The following AKAP13 variants were observed in gnomAD, a reference collection of about 807,000 sequenced individuals.
AKAP13 encodes A-kinase anchoring protein 13.
A neutral mutation model predicts 264.5 loss-of-function variants in AKAP13; 80 were observed. That is an observed-to-expected ratio of 0.30 (90% CI 0.25 to 0.36). The LOEUF (loss-of-function observed/expected upper bound fraction) is 0.36, where lower values mean the gene tolerates loss of function less well. Ranked by LOEUF, AKAP13 falls within the 10% of genes least tolerant of loss-of-function variation. The pLI is 1.00. For missense variants in AKAP13, 3,712 were observed against 3,435.2 expected (o/e 1.08, Z -2.01); for synonymous variants, 1,380 against 1,250.2 (o/e 1.10, Z -2.19).
intron 27 of AKAP13, 89 bp from the exon 28 acceptor site, chr15:85,726,977 A>G (rs2087656601): frequency 1.4e-6 from 2 of 1,420,802 alleles, no homozygotes; most frequent in East Asian, 4.6e-5. Context: ...CTTTTTTAAC[A>G]GCATCTGGTC....
chr15:85,732,835 C>G (rs1265001204), intron 30 of AKAP13, among the ~76,000 whole-genome samples: 1 of 150,922 alleles, frequency 6.6e-6, no homozygotes, highest in Non-Finnish European at 1.5e-5. Context: ...ATTACTATTG[C>G]TAATACTGTT....
chr15:85,565,261 G>A (rs2151275714), intron 5 of AKAP13, among the ~76,000 whole-genome samples: 1 of 152,084 alleles, frequency 6.6e-6, no homozygotes, highest in East Asian at 1.9e-4. Flanking sequence ...AAATCAGAAG[G>A]CAGTAGAAAT....
intron 10 of AKAP13, 146 bp downstream of exon 10, chr15:85,646,100 C>G (rs2082547830): frequency 6.5e-6 from 7 of 1,084,756 alleles, no homozygotes; most frequent in Non-Finnish European, 9.1e-6. Context: ...TGTGATCCAG[C>G]TAGCCTTGTA....
intron 2 of AKAP13, among the ~76,000 whole-genome samples, chr15:85,491,508 T>TATATATA (rs2075724894): frequency 2.0e-5 from 3 of 146,446 alleles, no homozygotes; most frequent in Middle Eastern, 3.6e-3. Flanking sequence ...TATTATATAT[T>TATATATA]ATATATTATA....
intron 8 of AKAP13, among the ~76,000 whole-genome samples, chr15:85,610,327 A>C (rs1176865114): frequency 6.6e-6 from 1 of 152,128 alleles, no homozygotes; most frequent in East Asian, 1.9e-4. Flanking sequence ...TTTCCTTTCC[A>C]AAACACTTGT....
rs1567129678 is a variant in AKAP13 at position 85,567,937 on chromosome 15, A to AAG, written c.663-7191_663-7190dup. Among the ~76,000 whole-genome samples the AAG allele has an allele frequency of 6.3e-5, 7 of 111,412 alleles. No individual in the cohort carries two copies. The South Asian group carries it at 2.1e-3, about 34-fold the overall frequency. 73.1% of individuals were successfully genotyped at this position (111,412 alleles called of 152,430 possible). ...ATATAAATACCTATTAAATAGCCCA[A>AAG]AGAGGTGTGTGTGTGTGTGTGTGTG... On this transcript the variant is annotated intron_variant, in intron 5 of 36. Transcript: ENST00000394518.
At chr15:85,436,994 A>G (rs1014669879) in intron 1 of AKAP13, among the ~76,000 whole-genome samples, 3 of 149,668 alleles carry the variant, frequency 2.0e-5, no homozygotes, top group African/African-American at 7.4e-5. Flanking sequence ...GGAAATAGAG[A>G]CACAAAAAAC....
At chr15:85,666,731 A>G (rs1427737641) in intron 13 of AKAP13, among the ~76,000 whole-genome samples, 1 of 151,826 alleles carries the variant, frequency 6.6e-6, no homozygotes, top group Non-Finnish European at 1.5e-5. Flanking sequence ...TCTCTTTATC[A>G]CCATCTAATC....
Position 85,662,620 on chromosome 15 carries a change from C to G in AKAP13, c.4800-1943C>G, listed in dbSNP as rs926920653. Among the ~76,000 whole-genome samples, 47 of 152,194 alleles carry G rather than the reference C, an allele frequency of 3.1e-4. No homozygotes were observed. The highest frequency in any genetic ancestry group is 1.0e-4 in the Non-Finnish European group (7 of 68,026). On this transcript the variant is annotated intron_variant, in intron 12 of 36. Transcript: ENST00000394518. The stretch of plus-strand genomic sequence containing the variant: ...TTTGCTATGGGTGTCACTAACTCAG[C>G]TGAAGGGATGCAGCCTAAGAGTCGG...
intron 2 of AKAP13, among the ~76,000 whole-genome samples, chr15:85,498,029 A>G (rs34818008): frequency 0.81 from 122,838 of 151,592 alleles, 50,310 homozygotes; most frequent in Non-Finnish European, 0.86. Flanking sequence ...ATGACTGAAA[A>G]CCTCAAGGAG....
intron 3 of AKAP13, among the ~76,000 whole-genome samples, chr15:85,526,576 C>T (rs2077051568): frequency 6.6e-6 from 1 of 152,100 alleles, no homozygotes; most frequent in African/African-American, 2.4e-5. Context: ...TGGCCTCTTT[C>T]ATTTCTCGTC....
rs2071298379 is a variant in AKAP13 at position 85,399,515 on chromosome 15, A to AAAAAT, written c.-12+18721_-12+18722insTAAAA. Among the ~76,000 whole-genome samples the AAAAAT allele has an allele frequency of 3.2e-4, 39 of 120,108 alleles. No homozygotes were observed. The East Asian group carries it at 3.9e-3, about 12-fold the overall frequency. The allele number at this position is 120,108 out of a possible 152,430, so 78.8% of individuals were successfully genotyped here. A position where few individuals can be genotyped will look rare whatever the true frequency, so the allele number is the denominator to read the frequency against. On this transcript the variant is annotated intron_variant, in intron 1 of 36. Coordinates refer to ENST00000394518, the MANE Select transcript of AKAP13 (RefSeq NM_007200.5). ...GAGACTCCGTCTCAAAAAAAAAAAA[A>AAAAAT]AAAAAAATAAAAAAATAAAAAAATA... is the stretch of plus-strand genomic sequence containing the variant.
chr15:85,743,639 C>G lies in AKAP13; in HGVS notation c.8206C>G (p.Arg2736Gly), dbSNP rs116329657. The part of the protein sequence containing the change: ...SVSPKRNSIS[R>G]THKDKGPFHI... ...GTCCCCAAAAAGGAACAGCATCTCT[C>G]GGACACACAAAGATAAGGGGCCTTT... Residue 2736 changes from arginine (R) to glycine (G), a missense_variant, in exon 36 of 37, where the codon CGG (arginine) becomes GGG (glycine). Transcript: ENST00000394518. The G allele has an allele frequency of 5.0e-6, 8 of 1,614,126 alleles. No homozygotes were observed. The Admixed American group carries it at 1.0e-4, about 20-fold the overall frequency.
At chr15:85,573,500 G>A (rs925092091) in intron 5 of AKAP13, among the ~76,000 whole-genome samples, 6 of 151,684 alleles carry the variant, frequency 4.0e-5, no homozygotes, top group Admixed American at 2.6e-4. Context: ...AGCCAAGATC[G>A]CACCACCGCA....
At chr15:85,737,020 G>A (rs1039205467) in intron 33 of AKAP13, among the ~76,000 whole-genome samples, 2 of 143,408 alleles carry the variant, frequency 1.4e-5, no homozygotes. Context: ...CTGGATTCAA[G>A]CGATTCCCCT....
chr15:85,580,818 T>A lies in AKAP13; in HGVS notation c.2750T>A (p.Val917Asp). 1 of 1,614,064 alleles carries A rather than the reference T, an allele frequency of 6.2e-7. No individual in the cohort carries two copies. The highest frequency in any genetic ancestry group is 8.5e-7 in the Non-Finnish European group (1 of 1,180,040). The change falls in exon 7 of 37, where the codon GTT (valine) becomes GAT (aspartate). Residue 917 changes from valine (V) to aspartate (D), a missense_variant. Val to Asp is a radical substitution (Grantham distance 152). Coordinates refer to ENST00000394518, the MANE Select transcript of AKAP13 (RefSeq NM_007200.5). ...ACTGAAGAAGGAAAACTTCTGGTGG[T>A]TTCAGAAAGCTCTGCAGCTCAGGAA... ...VLTEEGKLLV[V>D]SESSAAQEQD... is the part of the protein sequence containing the mutation.
intron 2 of AKAP13, among the ~76,000 whole-genome samples, chr15:85,491,896 CACAGCAGTGTTA>C (rs2075740978): frequency 6.6e-6 from 1 of 152,158 alleles, no homozygotes; most frequent in Admixed American, 6.5e-5. Flanking sequence ...ATGCAGTGCT[CACAGCAGTGTTA>C]CCAGTCCCAG....
chr15:85,671,433 C>CAAAAAA (rs11296113), intron 14 of AKAP13, among the ~76,000 whole-genome samples: 2 of 70,564 alleles, frequency 2.8e-5, no homozygotes, highest in Non-Finnish European at 5.9e-5. Context: ...GACACTGCCT[C>CAAAAAA]AAAAAAAAAA....
chr15:85,576,368 G>A (rs977404301), intron 6 of AKAP13, among the ~76,000 whole-genome samples: 1 of 151,972 alleles, frequency 6.6e-6, no homozygotes, highest in African/African-American at 2.4e-5. Flanking sequence ...TAAATCAATA[G>A]TTGTATGGTA....
Sources: gnomAD v4.1 joint callset for allele counts (sites outside exome capture counted in the v4.1 genomes callset) on GRCh38, gnomAD v4.1.1 for gene constraint, MANE v1.5 for transcripts, NCBI Gene and HGNC (gene_info 2026-07-23, HGNC 2026-07-21) for gene names.